CACNB4: variants seen among roughly 807,000 people sequenced by gnomAD.
CACNB4 encodes the protein voltage-dependent L-type calcium channel subunit beta-4.
In CACNB4, 32 loss-of-function variants were observed where a neutral mutation model predicts 71.2. The observed-to-expected ratio is 0.45, with a 90% CI of 0.34 to 0.60. The LOEUF (loss-of-function observed/expected upper bound fraction) is 0.60. CACNB4 is among the 20% of genes least tolerant of loss of function. CACNB4 has a pLI of 0.01. For missense variants in CACNB4, 464 were observed against 647.9 expected (o/e 0.72, Z 3.08); for synonymous variants, 231 against 236.9 (o/e 0.97, Z 0.23).
chr2:152,036,249 C>T (rs377647922), intron 2 of CACNB4, among the ~76,000 whole-genome samples: 19 of 152,140 alleles, frequency 1.2e-4, no homozygotes, highest in African/African-American at 3.4e-4. Context: ...TAATGGACTG[C>T]ATATAGTTAA....
intron 2 of CACNB4, among the ~76,000 whole-genome samples, chr2:151,958,121 C>A (rs889136851): frequency 1.3e-5 from 2 of 151,674 alleles, no homozygotes; most frequent in Admixed American, 1.3e-4. Flanking sequence ...TATCAACAGG[C>A]GCATAAATTA....
chr2:151,920,315 C>CTTTTTTTTTTTTTTTTTTTT (rs1559996320), intron 2 of CACNB4, among the ~76,000 whole-genome samples: 1 of 81,052 alleles, frequency 1.2e-5, no homozygotes, highest in African/African-American at 5.2e-5. Context: ...TCTTCTTCTT[C>CTTTTTTTTTTTTTTTTTTTT]TTCTTTTTTT....
At position 151,870,517 on chromosome 2, in the gene CACNB4, G is replaced by A; in HGVS notation, c.699+14C>T. On this transcript the variant is annotated intron_variant, in intron 8 of 13. Coordinates refer to ENST00000539935, the MANE Select transcript of CACNB4 (RefSeq NM_000726.5). ...CTCGATCAAGAACTGAAGAGTAACA[G>A]ATGATATTTGTACCTCGTAACCTTT... The A allele has an allele frequency of 6.2e-7, 1 of 1,603,078 alleles. No individual in the cohort carries two copies. Among genetic ancestry groups the A allele is most frequent in the Non-Finnish European group, 8.5e-7 (1 of 1,170,242 alleles).
chr2:151,956,930 G>A (rs1578968727), intron 2 of CACNB4, among the ~76,000 whole-genome samples: 2 of 152,156 alleles, frequency 1.3e-5, no homozygotes, highest in East Asian at 3.8e-4. Flanking sequence ...TGGATCACCT[G>A]AGGTCAGGAG....
intron 13 of CACNB4, 43 bp from the exon 14 acceptor site, chr2:151,839,422 C>T (rs1325526712): frequency 1.3e-6 from 2 of 1,481,752 alleles, no homozygotes; most frequent in Non-Finnish European, 9.3e-7. Context: ...ATGTCAGCTT[C>T]ATTCATCTAA....
chr2:152,029,512 G>A (rs199788129), intron 2 of CACNB4, among the ~76,000 whole-genome samples: 6 of 133,594 alleles, frequency 4.5e-5, no homozygotes, highest in Non-Finnish European at 6.4e-5. Context: ...AAAAAAAAAA[G>A]AAAAGAAAAG....
At chr2:152,022,882 G>T (rs1161455741) in intron 2 of CACNB4, among the ~76,000 whole-genome samples, 1 of 152,080 alleles carries the variant, frequency 6.6e-6, no homozygotes, top group Non-Finnish European at 1.5e-5. Context: ...AGGAATTTAG[G>T]GTTGTTTTGA....
intron 2 of CACNB4, among the ~76,000 whole-genome samples, chr2:152,003,445 A>T (rs913925976): frequency 1.5e-5 from 2 of 136,362 alleles, no homozygotes; most frequent in African/African-American, 2.7e-5. Context: ...GATTCCATCT[A>T]AAAAAAAAAA....
At chr2:151,917,938 A>G (rs4664069) in intron 2 of CACNB4, among the ~76,000 whole-genome samples, 151,686 of 152,216 alleles carry the variant, frequency 1, 75,583 homozygotes, top group Middle Eastern at 1. Flanking sequence ...AAGGCATTAA[A>G]GAGAAAGTTG....
intron 3 of CACNB4, among the ~76,000 whole-genome samples, chr2:151,882,634 A>G (rs1171143247): frequency 1.3e-5 from 2 of 151,950 alleles, no homozygotes; most frequent in Non-Finnish European, 2.9e-5. Context: ...ATCCCTAGTG[A>G]CTCTTCTGGT....
At chr2:152,027,796 G>A (rs1684055691) in intron 2 of CACNB4, among the ~76,000 whole-genome samples, 1 of 144,234 alleles carries the variant, frequency 6.9e-6, no homozygotes, top group Admixed American at 7.3e-5. Flanking sequence ...AGGTTGCAGT[G>A]AGTCGAGATT....
At chr2:151,852,010 G>T (rs72997418) in intron 12 of CACNB4, 1 of 152,286 alleles carries the variant, frequency 6.6e-6, no homozygotes, top group African/African-American at 2.4e-5. Context: ...AACAGAGCAC[G>T]CCATGCTCCA....
rs2099865369 is a variant in CACNB4, at chr2:151,945,657, A to ATAAATT, written c.148-62293_148-62288dup. ...CAGAGTGAAACCCTGTTTCAAATAAATAAATTTAAATTTAAATTTAAAATG... is the reference window on the plus strand; with the variant it reads ...CAGAGTGAAACCCTGTTTCAAATAAATAAATTTAAATTTAAATTTAAATTTAAAATG... On this transcript the variant is annotated intron_variant, in intron 2 of 13. Transcript: ENST00000539935. Among the ~76,000 whole-genome samples, 4 of 152,130 alleles carry ATAAATT rather than the reference A, an allele frequency of 2.6e-5. No individual in the cohort carries two copies. The South Asian group carries it at 6.2e-4, about 24-fold the overall frequency.
intron 5 of CACNB4, among the ~76,000 whole-genome samples, chr2:151,876,145 G>A (rs1311725246): frequency 3.3e-5 from 5 of 152,106 alleles, no homozygotes; most frequent in Non-Finnish European, 7.4e-5. Context: ...ACTGTGTGGA[G>A]AAAGAATGCC....
At chr2:152,078,771 G>C (rs1002274814) in intron 2 of CACNB4, among the ~76,000 whole-genome samples, 2 of 152,186 alleles carry the variant, frequency 1.3e-5, no homozygotes, top group African/African-American at 2.4e-5. Flanking sequence ...AACAGCCTAC[G>C]TCCTTGGACC....
chr2:152,030,104 CT>C (rs1333421667), intron 2 of CACNB4, among the ~76,000 whole-genome samples: 1 of 151,916 alleles, frequency 6.6e-6, no homozygotes, highest in Non-Finnish European at 1.5e-5. Flanking sequence ...GCACTCTTAC[CT>C]TCTTTTTTTT....
At chr2:151,918,581 G>C (rs971298029) in intron 2 of CACNB4, among the ~76,000 whole-genome samples, 1 of 152,146 alleles carries the variant, frequency 6.6e-6, no homozygotes, top group Non-Finnish European at 1.5e-5. Context: ...CAAGCACATA[G>C]ATGCTCCCTG....
chr2:152,098,865 A>C lies in CACNB4; in HGVS notation c.63+84T>G, dbSNP rs994771611. 1.9e-5 allele frequency: 22 copies of C among 1,138,756 alleles called. No individual in the cohort carries two copies. The highest frequency in any genetic ancestry group is 2.3e-5 in the Non-Finnish European group (19 of 824,710). 70.5% of individuals were successfully genotyped at this position (1,138,756 alleles called of 1,614,324 possible). A position where few individuals can be genotyped will look rare whatever the true frequency, so the allele number is the denominator to read the frequency against. On this transcript the variant is annotated intron_variant, in intron 1 of 13. Coordinates refer to ENST00000539935, the MANE Select transcript of CACNB4 (RefSeq NM_000726.5). The surrounding 1 kb of genome is among the most constrained non-coding windows in gnomAD (Gnocchi z 5.3). ...GGGACTGGGGCCCCGCACGCCCGGC[A>C]CGAAGGCGGGGCGCGCTAGGGCGGC...
At chr2:152,044,215 T>C (rs1436703695) in intron 2 of CACNB4, among the ~76,000 whole-genome samples, 1 of 152,124 alleles carries the variant, frequency 6.6e-6, no homozygotes, top group African/African-American at 2.4e-5. Context: ...ATTTTATTTA[T>C]TTTTATTTTT....
Sources: allele counts gnomAD v4.1 joint callset (sites outside exome capture counted in the v4.1 genomes callset), GRCh38; gene constraint gnomAD v4.1.1; non-coding constraint Gnocchi (gnomAD v3.1); transcripts MANE v1.5; gene names NCBI Gene and HGNC (gene_info 2026-07-23, HGNC 2026-07-21).